The following RYR2 variants were observed in gnomAD, a reference collection of about 807,000 sequenced individuals.
RYR2 encodes the protein cardiac muscle ryanodine receptor-calcium release channel.
In RYR2, 227 loss-of-function variants were observed where a neutral mutation model predicts 601.1. That is an observed-to-expected ratio of 0.38 (90% CI 0.34 to 0.42). RYR2 has a LOEUF of 0.42. Among genes scored for constraint, RYR2 ranks in the 10% least tolerant of loss-of-function variants. RYR2 has a pLI of 1.00. For missense variants in RYR2, 4,646 were observed against 6,156.5 expected, an observed-to-expected ratio of 0.75 and a Z score of 8.21; for synonymous variants, 2,223 against 2,175.1, an observed-to-expected ratio of 1.02 and a Z score of -0.61.
intron 24 of RYR2, among the ~76,000 whole-genome samples, chr1:237,523,455 C>T (rs779514178): frequency 9.9e-5 from 15 of 152,128 alleles, no homozygotes; most frequent in Non-Finnish European, 1.8e-4. Flanking sequence ...GGCAAAACAG[C>T]TGGGCATGGT....
intron 8 of RYR2, among the ~76,000 whole-genome samples, chr1:237,383,832 A>G (rs1191868637): frequency 6.6e-6 from 1 of 152,080 alleles, no homozygotes; most frequent in Non-Finnish European, 1.5e-5. Flanking sequence ...GGGTGCCCAG[A>G]GATTGGTGCC....
chr1:237,043,948 G>A (rs1660241291), intron 1 of RYR2, among the ~76,000 whole-genome samples: 1 of 152,194 alleles, frequency 6.6e-6, no homozygotes, highest in Non-Finnish European at 1.5e-5. Flanking sequence ...TCTCTTTTGT[G>A]CATTAAACGG....
At chr1:237,703,011 T>C (rs1008708087) in intron 66 of RYR2, among the ~76,000 whole-genome samples, 6 of 152,012 alleles carry the variant, frequency 3.9e-5, no homozygotes, top group African/African-American at 1.2e-4. Flanking sequence ...TATAATAATT[T>C]ATTGATATGT....
Position 237,610,096 on chromosome 1 carries a change from G to A in RYR2, c.4684-666G>A, listed in dbSNP as rs568422596. Among the ~76,000 whole-genome samples the A allele has an allele frequency of 2.0e-5, 3 of 152,078 alleles. No homozygotes were observed. Among genetic ancestry groups the A allele is most frequent in the Middle Eastern group, 3.2e-3 (1 of 316 alleles). Reference sequence around the variant, plus strand: ...TATGGTCCCATAAGAGGCAGGCATCGGTGTTGTCAAGATCATAGATAAATG... The same window carrying A: ...TATGGTCCCATAAGAGGCAGGCATCAGTGTTGTCAAGATCATAGATAAATG... On this transcript the variant is annotated intron_variant, in intron 35 of 104. Transcript: ENST00000366574. This position sits in a 1 kb window ranked among gnomAD's most constrained non-coding sequence, Gnocchi z 4.9.
intron 47 of RYR2, among the ~76,000 whole-genome samples, chr1:237,641,528 T>TC (rs1334318969): frequency 3.6e-5 from 4 of 111,562 alleles, no homozygotes; most frequent in African/African-American, 1.2e-4. Flanking sequence ...TTTCTTTCTT[T>TC]TTCTTTCTTT....
chr1:237,660,360 T>A (rs902632910), intron 55 of RYR2, among the ~76,000 whole-genome samples: 1 of 152,252 alleles, frequency 6.6e-6, no homozygotes, highest in East Asian at 1.9e-4. Flanking sequence ...AAAAATCTTC[T>A]TATCATGCTT....
intron 1 of RYR2, among the ~76,000 whole-genome samples, chr1:237,125,640 G>A (rs182582544): frequency 3.2e-4 from 49 of 152,206 alleles, no homozygotes; most frequent in Middle Eastern, 3.4e-3. Context: ...CCTCAAATGC[G>A]TTCTAAATAT....
intron 1 of RYR2, among the ~76,000 whole-genome samples, chr1:237,138,937 C>G (rs1005593877): frequency 2.0e-5 from 3 of 152,196 alleles, no homozygotes; most frequent in African/African-American, 7.2e-5. Flanking sequence ...TCATACACTG[C>G]TGGGGACCTG....
At chr1:237,206,519 T>C (rs2149071271) in intron 1 of RYR2, among the ~76,000 whole-genome samples, 1 of 152,370 alleles carries the variant, frequency 6.6e-6, no homozygotes, top group South Asian at 2.1e-4. Flanking sequence ...CAAGTACTTC[T>C]ATTTGCATTT....
intron 55 of RYR2, 133 bp downstream of exon 55, chr1:237,660,207 T>TAAA: frequency 2.4e-6 from 1 of 415,090 alleles, no homozygotes; most frequent in African/African-American, 2.1e-5. Context: ...AGGTCCCGTT[T>TAAA]AAAAAAAAAA....
intron 35 of RYR2, among the ~76,000 whole-genome samples, chr1:237,609,302 CTCTT>C (rs1306981507): frequency 2.0e-5 from 3 of 148,628 alleles, no homozygotes; most frequent in African/African-American, 7.4e-5. Flanking sequence ...CTCTCTCTCT[CTCTT>C]TTTTTCTTTC....
chr1:237,520,826 A>C (rs113659092), intron 24 of RYR2, among the ~76,000 whole-genome samples: 1 of 152,154 alleles, frequency 6.6e-6, no homozygotes, highest in Non-Finnish European at 1.5e-5. Context: ...ACTTGAGGTC[A>C]GGAGTTCCAG....
At chr1:237,801,387 AAAAAAT>A (rs1298383819) in intron 97 of RYR2, among the ~76,000 whole-genome samples, 9 of 132,148 alleles carry the variant, frequency 6.8e-5, no homozygotes, top group East Asian at 2.7e-4. Context: ...AAAAAAAAAA[AAAAAAT>A]TCGCTGGGAG....
At position 237,634,993 on chromosome 1, in the gene RYR2, G is replaced by T; in HGVS notation, c.6792+1G>T. On this transcript the variant is annotated splice_donor_variant, in intron 44 of 104. Coordinates refer to ENST00000366574, the MANE Select transcript of RYR2 (RefSeq NM_001035.3). LOFTEE classifies it high-confidence loss of function. Reference sequence around the variant, plus strand: ...TCTGCGTGAGCCGGATCTAGAAAAGGTGAGCAATGTTCCTGCCCTGTGTGT... The same window carrying T: ...TCTGCGTGAGCCGGATCTAGAAAAGTTGAGCAATGTTCCTGCCCTGTGTGT... 2 of 1,579,040 alleles carry T rather than the reference G, an allele frequency of 1.3e-6. No individual in the cohort carries two copies. The highest frequency in any genetic ancestry group is 1.7e-6 in the Non-Finnish European group (2 of 1,159,378).
At chr1:237,462,757 G>A (rs1659622271) in intron 16 of RYR2, among the ~76,000 whole-genome samples, 1 of 152,162 alleles carries the variant, frequency 6.6e-6, no homozygotes, top group Non-Finnish European at 1.5e-5. Context: ...TTGAGAAAAG[G>A]CAGTCAAGAG....
intron 24 of RYR2, among the ~76,000 whole-genome samples, chr1:237,522,992 TAA>T (rs56371731): frequency 0.44 from 61,976 of 141,982 alleles, 12,939 homozygotes; most frequent in East Asian, 0.58. Context: ...TCAGCAGACT[TAA>T]AAAAAAAATG....
intron 42 of RYR2, among the ~76,000 whole-genome samples, chr1:237,632,842 T>C (rs1439726856): frequency 6.6e-6 from 1 of 152,242 alleles, no homozygotes; most frequent in Non-Finnish European, 1.5e-5. Flanking sequence ...TCTTAGGATG[T>C]ATTTTTCACA....
chr1:237,105,926 T>C lies in RYR2; in HGVS notation c.48+63357T>C, dbSNP rs1432627952. The stretch of plus-strand genomic sequence containing the variant: ...TAGTAGCAGTTGAGCAGCTTGAAGA[T>C]AGCAGGGGAGTTAGTTCATGGGCTT... On this transcript the variant is annotated intron_variant, in intron 1 of 104. Coordinates refer to ENST00000366574, the MANE Select transcript of RYR2 (RefSeq NM_001035.3). Among the ~76,000 whole-genome samples, 3 of 151,016 alleles carry C rather than the reference T, an allele frequency of 2.0e-5. No homozygotes were observed. The East Asian group carries it at 5.9e-4, about 30-fold the overall frequency.
chr1:237,602,136 G>A (rs1292992874), intron 35 of RYR2, 25 bp downstream of exon 35: 9 of 1,560,510 alleles, frequency 5.8e-6, no homozygotes, highest in Non-Finnish European at 7.9e-6. Context: ...TCCTGGTATT[G>A]TATTTGTATT....
Sources: gnomAD v4.1 joint callset for allele counts (sites outside exome capture counted in the v4.1 genomes callset) on GRCh38, gnomAD v4.1.1 for gene constraint, Gnocchi (gnomAD v3.1) non-coding constraint, MANE v1.5 for transcripts, NCBI Gene and HGNC (gene_info 2026-07-23, HGNC 2026-07-21) for gene names.